The following TSC2 variants were observed in gnomAD, a reference collection of about 807,000 sequenced individuals.
TSC2 encodes TSC complex subunit 2.
TSC2 carries 29 observed loss-of-function variants against 202.2 expected under a neutral mutation model. The observed-to-expected ratio is 0.14, with a 90% CI of 0.11 to 0.20. The LOEUF (loss-of-function observed/expected upper bound fraction) is 0.20. TSC2 is among the 10% of genes least tolerant of loss of function. TSC2 has a pLI of 1.00. For synonymous variants in TSC2, 1,349 were observed against 1,044.0 expected (o/e 1.29, Z -5.63); for missense variants, 2,429 against 2,420.0 (o/e 1.00, Z -0.08).
At chr16:2,074,834 T>G (rs2089042842) in intron 22 of TSC2, 1 of 283,340 alleles carries the variant, frequency 3.5e-6, no homozygotes, top group Admixed American at 4.6e-5. Flanking sequence ...CCGCACTTGG[T>G]GTAGAGGCTG....
In TSC2 at chr16:2,060,784, A is replaced by G. The variant is rs2086536512; in HGVS notation, c.1090A>G (p.Ile364Val). The change falls in exon 11 of 42, where the codon ATC (isoleucine) becomes GTC (valine). Residue 364 changes from isoleucine to valine, a missense_variant. Transcript: ENST00000219476. ...GGTGGCGTGGGACATTCTGCTGAAC[A>G]TCATCGAACGGCTCCTTCAGCAGCT... ...QVVAWDILLN[I>V]IERLLQQLQT... 3 of 1,613,784 alleles carry G rather than the reference A, an allele frequency of 1.9e-6. No individual in the cohort carries two copies. The highest frequency in any genetic ancestry group is 2.2e-5 in the East Asian group (1 of 44,866).
chr16:2,088,902 C>A lies in TSC2; in HGVS notation c.*292C>A, dbSNP rs988846621. 1 of 416,106 alleles carries A rather than the reference C, an allele frequency of 2.4e-6. No homozygotes were observed. The highest frequency in any genetic ancestry group is 4.2e-5 in the Admixed American group (1 of 23,970). The allele number at this position is 416,106 out of a possible 1,614,324, so 25.8% of individuals were successfully genotyped here. On this transcript the variant is annotated 3_prime_UTR_variant, in exon 42 of 42. Transcript: ENST00000219476. ...GCGCGCACACACACACACACACAGT[C>A]ACCTTCCTCCACCCTGGGAGCCAGC... is the stretch of plus-strand genomic sequence containing the variant.
Position 2,079,575 on chromosome 16 carries a change from T to G in TSC2, c.3303T>G (p.His1101Gln). 6.2e-7 allele frequency: 1 copy of G among 1,611,310 alleles called. No homozygotes were observed. Among genetic ancestry groups the G allele is most frequent in the South Asian group, 1.1e-5 (1 of 90,832 alleles). The change falls in exon 29 of 42, where the codon CAT becomes CAG. Residue 1101 changes from histidine (H) to glutamine (Q), a missense_variant. Transcript: ENST00000219476. The surrounding 1 kb of genome is among the most constrained non-coding windows in gnomAD (Gnocchi z 4.6). The stretch of plus-strand genomic sequence containing the variant: ...TTCTCAGCTCCAGCCCCGGGGTGCA[T>G]GTGAGACAGACCAAGGAGGCGCCGG... ...GPESSSSPGV[H>Q]VRQTKEAPAK...
rs747556017 is a variant in TSC2, at chr16:2,084,751, C to T, written c.4493+36C>T. ...TGCTTCCGGGCGGGGCTCCTGACAC[C>T]TCTCCTGCGGGAACCTGGTGCCTCA... On this transcript the variant is annotated intron_variant, in intron 34 of 41. Coordinates refer to ENST00000219476, the MANE Select transcript of TSC2 (RefSeq NM_000548.5). 5.6e-6 allele frequency: 9 copies of T among 1,598,302 alleles called. No homozygotes were observed. The African/African-American group carries it at 6.7e-5, about 12-fold the overall frequency.
Position 2,080,245 on chromosome 16 carries a change from A to T in TSC2, c.3478A>T (p.Thr1160Ser), listed in dbSNP as rs756681045. 1 of 1,612,924 alleles carries T rather than the reference A, an allele frequency of 6.2e-7. No homozygotes were observed. Among genetic ancestry groups the T allele is most frequent in the Non-Finnish European group, 8.5e-7 (1 of 1,180,010 alleles). Residue 1160 changes from threonine to serine, a missense_variant, in exon 30 of 42, where the codon ACT (threonine) becomes TCT (serine). Coordinates refer to ENST00000219476, the MANE Select transcript of TSC2 (RefSeq NM_000548.5). ...CAGTGCCACTTCTCCAGGACCACGG[A>T]CTGCACCAGCCGCGAAACCTGAGAA... The part of the protein sequence containing the change: ...LGSATSPGPR[T>S]APAAKPEKAS...
At chr16:2,076,308 G>A in intron 24 of TSC2, 138 bp downstream of exon 24, 2 of 1,558,740 alleles carry the variant, frequency 1.3e-6, no homozygotes, top group Non-Finnish European at 1.7e-6. Flanking sequence ...GTGGCGCTGG[G>A]GGCTCTGCTG....
At chr16:2,049,812 A>G (rs988203052) in intron 2 of TSC2, among the ~76,000 whole-genome samples, 3 of 152,038 alleles carry the variant, frequency 2.0e-5, no homozygotes, top group Non-Finnish European at 4.4e-5. Flanking sequence ...GAAGAAGAGC[A>G]AAACTCCGTC....
At chr16:2,078,856 G>A in intron 26 of TSC2, 176 bp from the exon 27 acceptor site, 1 of 776,894 alleles carries the variant, frequency 1.3e-6, no homozygotes, top group Non-Finnish European at 2.1e-6. Flanking sequence ...CCGTTCTCTG[G>A]GACAATGTGG....
At chr16:2,071,651 A>G in intron 18 of TSC2, 35 bp downstream of exon 18, 1 of 1,611,068 alleles carries the variant, frequency 6.2e-7, no homozygotes, top group East Asian at 2.2e-5. Context: ...CATGAGGCTC[A>G]GGGCGTCAGA....
chr16:2,085,037 C>T lies in TSC2; in HGVS notation c.4569+11C>T, dbSNP rs749616902. Reference sequence around the variant, plus strand: ...CTGCTGCCCAATGAGGTAGGCGTGGCCTCCCTCTCCTGCATCCGCTGGAGC... The same window carrying T: ...CTGCTGCCCAATGAGGTAGGCGTGGTCTCCCTCTCCTGCATCCGCTGGAGC... On this transcript the variant is annotated intron_variant, in intron 35 of 41. Transcript: ENST00000219476. 9 of 1,612,990 alleles carry T rather than the reference C, an allele frequency of 5.6e-6. No homozygotes were observed. Among genetic ancestry groups the T allele is most frequent in the Middle Eastern group, 1.6e-4 (1 of 6,084 alleles).
At position 2,086,831 on chromosome 16, in the gene TSC2, A is replaced by T. The variant is rs45501091; in HGVS notation, c.4949A>T (p.Tyr1650Phe). Reference sequence around the variant, plus strand: ...GGCAACGACTTTGTGTCCATTGTCTACAATGACTCCGGTGAGGACTTCAAG... The same window carrying T: ...GGCAACGACTTTGTGTCCATTGTCTTCAATGACTCCGGTGAGGACTTCAAG... ...HLGNDFVSIV[Y>F]NDSGEDFKLG... The change falls in exon 38 of 42, where the codon TAC becomes TTC. Residue 1650 changes from tyrosine (Y) to phenylalanine (F), a missense_variant. Tyr to Phe is a conservative substitution (Grantham distance 22). Coordinates refer to ENST00000219476, the MANE Select transcript of TSC2 (RefSeq NM_000548.5). 6.2e-7 allele frequency: 1 copy of T among 1,607,826 alleles called. No individual in the cohort carries two copies. The highest frequency in any genetic ancestry group is 2.2e-5 in the East Asian group (1 of 44,632).
At chr16:2,077,757 C>A in intron 26 of TSC2, 31 bp downstream of exon 26, 1 of 1,609,600 alleles carries the variant, frequency 6.2e-7, no homozygotes, top group Non-Finnish European at 8.5e-7. Flanking sequence ...GGGGCACGGA[C>A]CCTGGAGCTT....
chr16:2,080,062 C>T lies in TSC2; in HGVS notation c.3398-103C>T, dbSNP rs1356881159. On this transcript the variant is annotated intron_variant, in intron 29 of 41. Coordinates refer to ENST00000219476, the MANE Select transcript of TSC2 (RefSeq NM_000548.5). ...GCAGAGCTGCCACCGTCTCTGGCTG[C>T]CTGTGGCACTAGCTTGCCAGGCTCG... 2.0e-6 allele frequency: 3 copies of T among 1,481,746 alleles called. No individual in the cohort carries two copies. In the African/African-American group the frequency reaches 4.1e-5, roughly 20 times the overall value. The allele number at this position is 1,481,746 out of a possible 1,614,324, so 91.8% of individuals were successfully genotyped here. A position where few individuals can be genotyped will look rare whatever the true frequency, so the allele number is the denominator to read the frequency against.
rs201978396 is a variant in TSC2, at chr16:2,080,381, C to T, written c.3610+4C>T. 15 of 1,610,888 alleles carry T rather than the reference C, an allele frequency of 9.3e-6. No homozygotes were observed. In the East Asian group the frequency reaches 2.0e-4, roughly 22 times the overall value. ...ATCCTGGTCCGGAGGCCCACAGGTA[C>T]TGGGCGGGGCTGGCCTGAGCGCCAT... On this transcript the variant is annotated splice_donor_region_variant and intron_variant, in intron 30 of 41. Transcript: ENST00000219476.
chr16:2,059,338 C>CT (rs1180610775), intron 10 of TSC2, among the ~76,000 whole-genome samples: 3,067 of 124,682 alleles, frequency 0.025, 90 homozygotes, highest in African/African-American at 0.039. Flanking sequence ...TTCTCTCTCT[C>CT]TTTTTTTTTT....
intron 4 of TSC2, chr16:2,053,994 T>C: frequency 2.1e-6 from 1 of 486,348 alleles, no homozygotes; most frequent in Non-Finnish European, 3.8e-6. Context: ...CAAGGCTGTC[T>C]GCCCTGCACC....
rs754466663 is a variant in TSC2, at chr16:2,082,491, C to G, written c.3870C>G (p.Ser1290Arg). 2 of 1,611,988 alleles carry G rather than the reference C, an allele frequency of 1.2e-6. No individual in the cohort carries two copies. ...GCTGCCAAGGACAGCTGCACAGGAG[C>G]GTTTCCTGGGCAGGTATCGCCTCTC... is the stretch of plus-strand genomic sequence containing the variant. ...QSSCQGQLHR[S>R]VSWADSAVVM... is the part of the protein sequence containing the mutation. The change falls in exon 32 of 42, where the codon AGC (serine) becomes AGG (arginine). Residue 1290 changes from serine (S) to arginine (R), a missense_variant. By Grantham distance (110) the Ser-to-Arg change is moderately radical (BLOSUM62 -1). Coordinates refer to ENST00000219476, the MANE Select transcript of TSC2 (RefSeq NM_000548.5).
chr16:2,073,493 C>T (rs1182781579), intron 21 of TSC2, among the ~76,000 whole-genome samples: 3 of 152,266 alleles, frequency 2.0e-5, no homozygotes, highest in Non-Finnish European at 4.4e-5. Flanking sequence ...TTCTGGCCTC[C>T]GCTCAGGGCC....
intron 32 of TSC2, chr16:2,082,957 G>T (rs1029257987): frequency 2.7e-6 from 1 of 376,538 alleles, no homozygotes; most frequent in South Asian, 2.0e-5. Flanking sequence ...CCTGCAGACC[G>T]ACCTCTGCCT....
Sources: allele counts gnomAD v4.1 joint callset (sites outside exome capture counted in the v4.1 genomes callset), GRCh38; gene constraint gnomAD v4.1.1; non-coding constraint Gnocchi (gnomAD v3.1); transcripts MANE v1.5; gene names NCBI Gene and HGNC (gene_info 2026-07-23, HGNC 2026-07-21).